Variants in ANO7 observed in about 807,000 individuals in gnomAD.
The protein encoded by ANO7 is anoctamin 7.
In ANO7, 114 loss-of-function variants were observed where a neutral mutation model predicts 115.8. The observed-to-expected ratio is 0.98, with a 90% confidence interval of 0.85 to 1.15. ANO7 has a LOEUF of 1.15. Among genes scored for constraint, ANO7 ranks in the 50% most tolerant of loss-of-function variants. The pLI is 0.00. For missense variants in ANO7, 1,302 were observed against 1,201.2 expected (o/e 1.08, Z -1.24); for synonymous variants, 550 against 498.2 (o/e 1.10, Z -1.38).
At chr2:241,229,422 C>G (rs879839113), downstream of ANO7, 4 of 564,118 alleles carry the variant, frequency 7.1e-6, no homozygotes, top group Non-Finnish European at 1.3e-5. Context: ...GCGGGCACGG[C>G]CAGGCCTGGA....
chr2:241,217,450 G>A (rs866624763), intron 19 of ANO7, among the ~76,000 whole-genome samples: 1 of 152,262 alleles, frequency 6.6e-6, no homozygotes, highest in East Asian at 1.9e-4. Flanking sequence ...GCCGGAGAAG[G>A]CCCGTGACCA....
chr2:241,216,214 CTG>C lies in ANO7; in HGVS notation c.1950_1951del (p.Phe651Ter). 2 of 1,608,376 alleles carry C rather than the reference CTG, an allele frequency of 1.2e-6. No individual in the cohort carries two copies. The highest frequency in any genetic ancestry group is 2.2e-5 in the South Asian group (2 of 90,440). On this transcript the variant is annotated frameshift_variant, in exon 19 of 25. Coordinates refer to ENST00000674324, the MANE Select transcript of ANO7 (RefSeq NM_001370694.2). LOFTEE classifies it high-confidence loss of function. The stretch of plus-strand genomic sequence containing the variant: ...CTATGAGCTTGTGCCCTGTGAGGGT[CTG>C]TTTGACGAGTACCTGGAAATGGGTA... Reference protein sequence around the residue: ...DDYELVPCEGLFDEYLEMVLQ... With the variant: ...DDYELVPCEGXFDEYLEMVLQ...
intron 7 of ANO7, among the ~76,000 whole-genome samples, 161 bp from the exon 8 acceptor site, chr2:241,202,033 G>A (rs2068484245): frequency 6.6e-6 from 1 of 152,252 alleles, no homozygotes; most frequent in African/African-American, 2.4e-5. Context: ...TGCATGTGCG[G>A]TGGTGACACA....
intron 19 of ANO7, among the ~76,000 whole-genome samples, chr2:241,217,191 C>A (rs1574792846): frequency 1.3e-5 from 2 of 152,198 alleles, no homozygotes; most frequent in South Asian, 4.1e-4. Context: ...AGCTCCCCAG[C>A]GTAGCCGCGG....
intron 21 of ANO7, among the ~76,000 whole-genome samples, chr2:241,220,494 C>T (rs1482401082): frequency 2.0e-5 from 3 of 151,834 alleles, no homozygotes; most frequent in Non-Finnish European, 2.9e-5. Context: ...GTCAGGAGTT[C>T]GAGACCAGCC....
At chr2:241,189,994 C>G (rs2068153702) in intron 1 of ANO7, 63 bp from the exon 2 acceptor site, 2 of 1,333,940 alleles carry the variant, frequency 1.5e-6, no homozygotes, top group African/African-American at 2.9e-5. Context: ...GTGGTGGCCC[C>G]AGGAACGGGT....
At position 241,217,752 on chromosome 2, in the gene ANO7, T is replaced by C. The variant is rs2068868007; in HGVS notation, c.2039T>C (p.Leu680Pro). The C allele has an allele frequency of 5.0e-6, 8 of 1,607,814 alleles. No individual in the cohort carries two copies. Among genetic ancestry groups the C allele is most frequent in the African/African-American group, 1.3e-5 (1 of 74,962 alleles). Residue 680 changes from leucine to proline, a missense_variant, in exon 20 of 25, where the codon CTC (leucine) becomes CCC (proline). By Grantham distance (98) the Leu-to-Pro change is moderately conservative. Coordinates refer to ENST00000674324, the MANE Select transcript of ANO7 (RefSeq NM_001370694.2). ...CCGCTCGCGCCGCTCTTCGCCCTGC[T>C]CAACAACTGGGTGGAGATCCGCTTG... ...ACPLAPLFAL[L>P]NNWVEIRLDA...
chr2:241,214,225 C>T (rs1057181185), intron 17 of ANO7, among the ~76,000 whole-genome samples: 1 of 152,198 alleles, frequency 6.6e-6, no homozygotes, highest in African/African-American at 2.4e-5. Flanking sequence ...GTGGAGGCTG[C>T]AGGGAGTTTT....
At chr2:241,232,795 C>G in the ANO7 span, among the ~76,000 whole-genome samples, 4 of 151,920 alleles carry the variant, frequency 2.6e-5, no homozygotes, top group Admixed American at 6.6e-5. Flanking sequence ...CCTGGGGCAA[C>G]AAGACAAAGA....
chr2:241,221,874 TTCACCATGTTGGCCAGGC>T (rs1251327393), intron 21 of ANO7, among the ~76,000 whole-genome samples: 3 of 151,298 alleles, frequency 2.0e-5, no homozygotes, highest in African/African-American at 7.3e-5. Flanking sequence ...AGACGGAGGT[TTCACCATGTTGGCCAGGC>T]TAGTTTCGAA....
chr2:241,229,899 CTCT>C (rs776646027), downstream of ANO7: 1 of 1,597,566 alleles, frequency 6.3e-7, no homozygotes, highest in Non-Finnish European at 8.5e-7. Flanking sequence ...GTGCCTTGGC[CTCT>C]TCGTGTGCTG....
chr2:241,192,686 A>T (rs932838426), intron 3 of ANO7, among the ~76,000 whole-genome samples: 1 of 152,216 alleles, frequency 6.6e-6, no homozygotes, highest in African/African-American at 2.4e-5. Flanking sequence ...GTGTCCACCT[A>T]CAGATGACTA....
rs563055493 is a variant in ANO7 at position 241,224,141 on chromosome 2, G to A, written c.2628G>A (p.Gln876=). 5 of 1,599,658 alleles carry A rather than the reference G, an allele frequency of 3.1e-6. No individual in the cohort carries two copies. The highest frequency in any genetic ancestry group is 3.4e-6 in the Non-Finnish European group (4 of 1,167,530). ...WTPFTVPKAS[Q]LQQ Reference sequence around the variant, plus strand: ...CCTTCACGGTTCCCAAGGCCAGCCAGCTGCAGCAGTGACGCCTGGAAGGAC... The same window carrying A: ...CCTTCACGGTTCCCAAGGCCAGCCAACTGCAGCAGTGACGCCTGGAAGGAC... Residue 876 remains glutamine (Q), a synonymous_variant, in exon 25 of 25, where the codon CAG becomes CAA. Transcript: ENST00000674324.
chr2:241,207,455 A>G, intron 10 of ANO7, 119 bp from the exon 11 acceptor site: 1 of 712,628 alleles, frequency 1.4e-6, no homozygotes, highest in Non-Finnish European at 2.4e-6. Flanking sequence ...TGGGCCTGGC[A>G]AAGGCAGTGG....
the ANO7 span, among the ~76,000 whole-genome samples, chr2:241,234,445 C>T: frequency 6.6e-6 from 1 of 152,348 alleles, no homozygotes; most frequent in South Asian, 2.1e-4. Context: ...AGAGTCCACG[C>T]AGGGGTACAC....
the ANO7 span, among the ~76,000 whole-genome samples, chr2:241,235,931 A>G: frequency 6.6e-6 from 1 of 152,078 alleles, no homozygotes; most frequent in Non-Finnish European, 1.5e-5. Flanking sequence ...ATGAGGTGCC[A>G]CAAGGGACTC....
intron 24 of ANO7, 70 bp downstream of exon 24, chr2:241,224,025 C>T (rs373228997): frequency 6.2e-7 from 1 of 1,613,310 alleles, no homozygotes; most frequent in South Asian, 1.1e-5. Flanking sequence ...CCCAGCCGCC[C>T]ACTGTGCCTC....
chr2:241,193,487 C>T (rs1574756795), intron 3 of ANO7, among the ~76,000 whole-genome samples: 1 of 152,158 alleles, frequency 6.6e-6, no homozygotes, highest in East Asian at 1.9e-4. Flanking sequence ...ACAGGCCTAC[C>T]CCTCCCTCCC....
intron 2 of ANO7, among the ~76,000 whole-genome samples, chr2:241,190,429 G>T (rs1011669379): frequency 6.6e-6 from 1 of 152,198 alleles, no homozygotes; most frequent in Non-Finnish European, 1.5e-5. Flanking sequence ...AGGGTAAGGG[G>T]GGCCTGGCCA....
Sources: gnomAD v4.1 joint callset for allele counts (sites outside exome capture counted in the v4.1 genomes callset) on GRCh38, gnomAD v4.1.1 for gene constraint, MANE v1.5 for transcripts, NCBI Gene and HGNC (gene_info 2026-07-23, HGNC 2026-07-21) for gene names.